The following ANKRD30BL variants were observed in gnomAD, a reference collection of about 807,000 sequenced individuals.
ANKRD30BL encodes putative ankyrin repeat domain-containing protein 30B-like.
A neutral mutation model predicts 18.4 loss-of-function variants in ANKRD30BL; 20 were observed. The observed-to-expected ratio is 1.09, with a 90% CI of 0.77 to 1.58. The LOEUF (loss-of-function observed/expected upper bound fraction) is 1.58, where lower values mean the gene tolerates loss of function less well. Among genes scored for constraint, ANKRD30BL ranks in the 40% most tolerant of loss-of-function variants. The pLI, the probability that ANKRD30BL is intolerant of heterozygous loss-of-function variation, is 0.00. For synonymous variants in ANKRD30BL, 72 were observed against 100.9 expected, an observed-to-expected ratio of 0.71 and a Z score of 1.72; for missense variants, 224 against 268.6, an observed-to-expected ratio of 0.83 and a Z score of 1.16.
intron 1 of ANKRD30BL, among the ~76,000 whole-genome samples, chr2:132,178,046 A>G (rs902412005): frequency 9.9e-5 from 15 of 152,216 alleles, no homozygotes; most frequent in African/African-American, 3.4e-4. Context: ...AACTTAAAAT[A>G]TATCAAGGCA....
intron 1 of ANKRD30BL, among the ~76,000 whole-genome samples, chr2:132,160,772 A>G (rs1333607842): frequency 6.6e-6 from 1 of 152,084 alleles, no homozygotes; most frequent in African/African-American, 2.4e-5. Flanking sequence ...GAAATCTAGA[A>G]GGGCAAGACT....
intron 1 of ANKRD30BL, among the ~76,000 whole-genome samples, chr2:132,193,693 C>A (rs1304633612): frequency 2.0e-5 from 3 of 151,990 alleles, no homozygotes; most frequent in African/African-American, 7.3e-5. Context: ...GGGGCACCAT[C>A]TTTTATACAT....
chr2:132,201,461 C>G (rs1277574138), intron 1 of ANKRD30BL, among the ~76,000 whole-genome samples: 1 of 151,970 alleles, frequency 6.6e-6, no homozygotes, highest in Non-Finnish European at 1.5e-5. Context: ...AAAAAACAAC[C>G]CCATCAAAAA....
intron 1 of ANKRD30BL, among the ~76,000 whole-genome samples, chr2:132,209,334 G>A (rs1335995704): frequency 6.7e-6 from 1 of 149,576 alleles, no homozygotes; most frequent in African/African-American, 2.5e-5. Flanking sequence ...TAGAGGAAAG[G>A]GAAATATCTT....
intron 1 of ANKRD30BL, among the ~76,000 whole-genome samples, chr2:132,192,865 T>A (rs904871873): frequency 6.6e-6 from 1 of 152,248 alleles, no homozygotes; most frequent in Non-Finnish European, 1.5e-5. Flanking sequence ...ACAGTGGCCC[T>A]GGCCATCTAC....
At chr2:132,211,191 C>T (rs199643250) in intron 1 of ANKRD30BL, among the ~76,000 whole-genome samples, 19 of 145,068 alleles carry the variant, frequency 1.3e-4, no homozygotes, top group Admixed American at 4.9e-4. Context: ...ATATTTGAAG[C>T]GCTTTGAGGC....
chr2:132,248,057 A>G (rs1680549535), intron 1 of ANKRD30BL, among the ~76,000 whole-genome samples: 1 of 152,096 alleles, frequency 6.6e-6, no homozygotes, highest in Admixed American at 6.6e-5. Context: ...ACATCACACA[A>G]AGAAGTTTCT....
chr2:132,187,230 G>A (rs1187697382), intron 1 of ANKRD30BL, among the ~76,000 whole-genome samples: 4 of 80,506 alleles, frequency 5.0e-5, no homozygotes, highest in Non-Finnish European at 9.0e-5. Flanking sequence ...GTCTTGTTTT[G>A]TAGAGCAGGC....
At chr2:132,229,274 A>C (rs907212158) in intron 1 of ANKRD30BL, among the ~76,000 whole-genome samples, 4 of 152,082 alleles carry the variant, frequency 2.6e-5, no homozygotes, top group African/African-American at 9.7e-5. Context: ...GTACAAAAGG[A>C]AATATCTTCA....
At position 132,161,563 on chromosome 2, in the gene ANKRD30BL, C is replaced by T. The variant is rs1688061466; in HGVS notation, c.143G>A (p.Arg48Gln). ...DLRKIHKAAS[R>Q]GQAWKLERMM... is the part of the protein sequence containing the mutation. ...CCTCTCCAGCTTCCAGGCTTGGCCC[C>T]GGGAGGCAGCTTTGTGGATCTTCCT... The change falls in exon 1 of 6, where the codon CGG becomes CAG. Residue 48 changes from arginine (R) to glutamine (Q), a missense_variant. Around this residue, in one of 3 missense-constraint regions of ANKRD30BL, gnomAD observed 131 missense variants for 128.8 expected, o/e 1.02. Transcript: ENST00000409867. 14 of 1,456,834 alleles carry T rather than the reference C, an allele frequency of 9.6e-6. No homozygotes were observed. The highest frequency in any genetic ancestry group is 2.0e-5 in the Admixed American group (1 of 50,852). The allele number at this position is 1,456,834 out of a possible 1,614,324, so 90.2% of individuals were successfully genotyped here.
At chr2:132,243,554 C>T (rs1680394914) in intron 1 of ANKRD30BL, among the ~76,000 whole-genome samples, 1 of 151,078 alleles carries the variant, frequency 6.6e-6, no homozygotes, top group African/African-American at 2.4e-5. Context: ...TCATTGGAAA[C>T]AGGAATATCG....
At chr2:132,198,074 C>A (rs1160513775) in intron 1 of ANKRD30BL, among the ~76,000 whole-genome samples, 2 of 151,962 alleles carry the variant, frequency 1.3e-5, no homozygotes, top group Non-Finnish European at 2.9e-5. Context: ...TATCTACAAT[C>A]ACAGCTCTTT....
chr2:132,174,966 A>G (rs1430740576), intron 1 of ANKRD30BL, among the ~76,000 whole-genome samples: 3 of 152,226 alleles, frequency 2.0e-5, no homozygotes, highest in Non-Finnish European at 4.4e-5. Context: ...TTCAATACAA[A>G]CATTAGCCCC....
At chr2:132,211,082 G>A (rs1679334367) in intron 1 of ANKRD30BL, among the ~76,000 whole-genome samples, 1 of 151,822 alleles carries the variant, frequency 6.6e-6, no homozygotes, top group Admixed American at 6.6e-5. Context: ...GAGGCATTTT[G>A]AGAAGCTCCT....
chr2:132,173,455 G>A (rs1688315373), intron 1 of ANKRD30BL, among the ~76,000 whole-genome samples: 1 of 151,568 alleles, frequency 6.6e-6, no homozygotes, highest in Non-Finnish European at 1.5e-5. Flanking sequence ...CACCACGCCC[G>A]GCTAATTTTG....
chr2:132,248,934 T>C (rs7340380), intron 1 of ANKRD30BL, among the ~76,000 whole-genome samples: 1 of 151,772 alleles, frequency 6.6e-6, no homozygotes, highest in Non-Finnish European at 1.5e-5. Flanking sequence ...CAGAAACTTC[T>C]GTCAAGGTTT....
intron 1 of ANKRD30BL, among the ~76,000 whole-genome samples, chr2:132,202,042 A>C (rs1431398675): frequency 1.3e-5 from 2 of 152,194 alleles, no homozygotes; most frequent in Non-Finnish European, 2.9e-5. Context: ...TATCGCAAGA[A>C]CAAAAAACCA....
intron 1 of ANKRD30BL, among the ~76,000 whole-genome samples, chr2:132,219,280 C>T (rs955786590): frequency 6.6e-6 from 1 of 150,444 alleles, no homozygotes; most frequent in South Asian, 2.1e-4. Context: ...GATATTTGGA[C>T]TGCTTACCAG....
intron 1 of ANKRD30BL, among the ~76,000 whole-genome samples, chr2:132,177,978 GC>G: frequency 6.6e-6 from 1 of 152,144 alleles, no homozygotes; most frequent in East Asian, 1.9e-4. Flanking sequence ...TTGTATGGGA[GC>G]TTTTGTTTCT....
Sources: allele counts gnomAD v4.1 joint callset (sites outside exome capture counted in the v4.1 genomes callset), GRCh38; gene constraint gnomAD v4.1.1; regional missense constraint gnomAD v4.1.1; transcripts MANE v1.5; gene names NCBI Gene and HGNC (gene_info 2026-07-23, HGNC 2026-07-21).